The following VAV3 variants were observed in gnomAD, a reference collection of about 807,000 sequenced individuals.
VAV3 encodes guanine nucleotide exchange factor VAV3.
In VAV3, 94 loss-of-function variants were observed where a neutral mutation model predicts 131.2. The observed-to-expected ratio is 0.72, with a 90% CI of 0.61 to 0.85. VAV3 has a LOEUF of 0.85. VAV3 is among the 40% of genes least tolerant of loss of function. The pLI, the probability that VAV3 is intolerant of heterozygous loss-of-function variation, is 0.00. For synonymous variants in VAV3, 349 were observed against 342.0 expected (o/e 1.02, Z -0.22); for missense variants, 939 against 1,002.7 (o/e 0.94, Z 0.86).
At chr1:107,739,095 T>C (rs1280201541) in intron 15 of VAV3, among the ~76,000 whole-genome samples, 1 of 152,218 alleles carries the variant, frequency 6.6e-6, no homozygotes, top group Non-Finnish European at 1.5e-5. Context: ...TGATGGAAAT[T>C]TCGATATCAT....
chr1:107,891,099 T>C (rs1671288908), intron 1 of VAV3, among the ~76,000 whole-genome samples: 1 of 152,038 alleles, frequency 6.6e-6, no homozygotes, highest in South Asian at 2.1e-4. Flanking sequence ...CAGATGGTCC[T>C]GGTTCAAGCC....
chr1:107,868,539 G>A (rs994447117), intron 2 of VAV3, among the ~76,000 whole-genome samples: 2 of 152,248 alleles, frequency 1.3e-5, no homozygotes, highest in East Asian at 3.9e-4. Flanking sequence ...GATGCCTGTG[G>A]TGACCTTCTA....
intron 1 of VAV3, among the ~76,000 whole-genome samples, chr1:107,900,533 C>A (rs1671803708): frequency 2.0e-5 from 3 of 152,084 alleles, no homozygotes; most frequent in African/African-American, 7.2e-5. Flanking sequence ...CATATCAGAC[C>A]CATATTCAAT....
chr1:107,742,191 T>C (rs1663060562), intron 15 of VAV3, among the ~76,000 whole-genome samples: 1 of 152,194 alleles, frequency 6.6e-6, no homozygotes, highest in South Asian at 2.1e-4. Context: ...AAAGGGCTGT[T>C]GTAATATTTT....
At chr1:107,757,385 T>A in intron 10 of VAV3, 56 bp from the exon 11 acceptor site, 1 of 1,384,362 alleles carries the variant, frequency 7.2e-7, no homozygotes, top group Non-Finnish European at 1.0e-6. Context: ...TAAGACATAC[T>A]AAAGAAAACA....
chr1:107,960,498 C>T lies in VAV3; in HGVS notation c.204+4168G>A, dbSNP rs150791928. 6.4e-3 allele frequency among the ~76,000 whole-genome samples: 967 copies of T among 151,996 alleles called. 16 individuals carry two copies. Among genetic ancestry groups the T allele is most frequent in the African/African-American group, 0.022 (912 of 41,458 alleles). The stretch of plus-strand genomic sequence containing the variant: ...AAAAGAAAAGAAAAGAAAGGTAAAT[C>T]AGGCCATGTCACTCCTCTCCTCATC... On this transcript the variant is annotated intron_variant, in intron 1 of 26. Coordinates refer to ENST00000370056, the MANE Select transcript of VAV3 (RefSeq NM_006113.5).
intron 1 of VAV3, chr1:107,963,447 A>G (rs2101422875): frequency 6.6e-6 from 1 of 152,322 alleles, no homozygotes; most frequent in East Asian, 1.9e-4. Flanking sequence ...GGCTCTCCCC[A>G]CTTCCATGCC....
In VAV3 at chr1:107,853,286, GA is replaced by G. The variant is rs1322378782; in HGVS notation, c.321+21614del. Among the ~76,000 whole-genome samples, 5 of 152,110 alleles carry G rather than the reference GA, an allele frequency of 3.3e-5. No homozygotes were observed. In the East Asian group the frequency reaches 7.7e-4, roughly 23 times the overall value. ...ACCTAACCATCATCTGTGAAACCAAGATAATAACAGAATGGAGCTGGGAATA... is the reference window on the plus strand; with the variant it reads ...ACCTAACCATCATCTGTGAAACCAAGTAATAACAGAATGGAGCTGGGAATA... On this transcript the variant is annotated intron_variant, in intron 2 of 26. Transcript: ENST00000370056.
At chr1:107,904,123 TG>T (rs1157086487) in intron 1 of VAV3, among the ~76,000 whole-genome samples, 1 of 152,190 alleles carries the variant, frequency 6.6e-6, no homozygotes, top group Non-Finnish European at 1.5e-5. Context: ...CAAAAGAGCT[TG>T]TGGAATTGCC....
intron 1 of VAV3, among the ~76,000 whole-genome samples, chr1:107,876,439 C>T (rs1387697893): frequency 6.6e-6 from 1 of 152,024 alleles, no homozygotes; most frequent in African/African-American, 2.4e-5. Flanking sequence ...CAGAAGATGT[C>T]GAGACATGTT....
At chr1:107,574,392 A>G (rs912118541) in intron 25 of VAV3, among the ~76,000 whole-genome samples, 194 bp from the exon 26 acceptor site, 4 of 152,250 alleles carry the variant, frequency 2.6e-5, no homozygotes, top group Non-Finnish European at 5.9e-5. Context: ...AATTCGCTTC[A>G]TAAGTTTAAA....
chr1:107,611,200 A>G (rs1214637997), intron 21 of VAV3, among the ~76,000 whole-genome samples: 1 of 152,204 alleles, frequency 6.6e-6, no homozygotes, highest in Non-Finnish European at 1.5e-5. Context: ...GTGCTTAAAA[A>G]GTTTGGACTT....
intron 2 of VAV3, among the ~76,000 whole-genome samples, 184 bp downstream of exon 2, chr1:107,874,717 G>A (rs1269284632): frequency 4.4e-5 from 4 of 91,534 alleles, no homozygotes; most frequent in Admixed American, 1.1e-4. Flanking sequence ...TGTTGTATGT[G>A]TGGGGTTTCT....
At chr1:107,768,646 C>T (rs375401250) in intron 6 of VAV3, 137 bp from the exon 7 acceptor site, 4 of 562,682 alleles carry the variant, frequency 7.1e-6, no homozygotes, top group South Asian at 6.3e-5. Context: ...ATTGTAGAAA[C>T]TATTTTCTCT....
chr1:107,828,512 T>C (rs950783456), intron 2 of VAV3, among the ~76,000 whole-genome samples: 1 of 152,144 alleles, frequency 6.6e-6, no homozygotes, highest in African/African-American at 2.4e-5. Context: ...ATTTTTGACT[T>C]ACAAAAATCA....
intron 2 of VAV3, among the ~76,000 whole-genome samples, chr1:107,798,362 A>T (rs1666652346): frequency 6.6e-6 from 1 of 151,530 alleles, no homozygotes; most frequent in Non-Finnish European, 1.5e-5. Context: ...GCTCCCACAC[A>T]CCCCTTCCCA....
intron 2 of VAV3, among the ~76,000 whole-genome samples, chr1:107,792,610 C>T (rs766175143): frequency 2.0e-5 from 3 of 152,206 alleles, no homozygotes; most frequent in Non-Finnish European, 2.9e-5. Context: ...GAGTCTGTAG[C>T]ATTTGGGTAC....
intron 15 of VAV3, among the ~76,000 whole-genome samples, chr1:107,747,797 A>T (rs1663446396): frequency 6.6e-6 from 1 of 152,210 alleles, no homozygotes. Context: ...ATTGACTATA[A>T]GCTTAAATAT....
chr1:107,594,588 C>CA (rs985907364), intron 25 of VAV3, among the ~76,000 whole-genome samples: 1 of 151,724 alleles, frequency 6.6e-6, no homozygotes, highest in Non-Finnish European at 1.5e-5. Flanking sequence ...ACTGGCTATG[C>CA]TTTTTTTTAA....
Sources: allele counts gnomAD v4.1 joint callset (sites outside exome capture counted in the v4.1 genomes callset), GRCh38; gene constraint gnomAD v4.1.1; transcripts MANE v1.5; gene names NCBI Gene and HGNC (gene_info 2026-07-23, HGNC 2026-07-21).